Variants in SBF2 observed in about 807,000 individuals in gnomAD.
SBF2 encodes SET binding factor 2.
Under a neutral mutation model 225.2 loss-of-function variants are expected in SBF2, and 112 were observed. The observed-to-expected ratio is 0.50, with a 90% confidence interval of 0.43 to 0.58. SBF2 has a LOEUF of 0.58. Ranked by LOEUF, SBF2 falls within the 20% of genes least tolerant of loss-of-function variation. The probability of loss-of-function intolerance (pLI) is 0.00; values close to 1 mark genes in which losing one functional copy is unlikely to be tolerated. For missense variants in SBF2, 1,996 were observed against 2,206.2 expected, an observed-to-expected ratio of 0.90 and a Z score of 1.91; for synonymous variants, 763 against 773.3, an observed-to-expected ratio of 0.99 and a Z score of 0.22.
chr11:9,819,024 A>G (rs917851416), intron 28 of SBF2, among the ~76,000 whole-genome samples: 2 of 152,236 alleles, frequency 1.3e-5, no homozygotes, highest in African/African-American at 4.8e-5. Context: ...ACCCGGCTGC[A>G]TGAATCTTTC....
intron 2 of SBF2, among the ~76,000 whole-genome samples, chr11:10,147,203 C>T (rs1368536961): frequency 6.6e-6 from 1 of 152,090 alleles, no homozygotes; most frequent in South Asian, 2.1e-4. Flanking sequence ...TTTGACCCAG[C>T]GATCCCATTA....
At position 9,781,591 on chromosome 11, in the gene SBF2, A is replaced by G; in HGVS notation, c.5367T>C (p.Ile1789=). The G allele has an allele frequency of 6.2e-7, 1 of 1,614,208 alleles. No individual in the cohort carries two copies. Among genetic ancestry groups the G allele is most frequent in the Non-Finnish European group, 8.5e-7 (1 of 1,180,036 alleles). The change falls in exon 39 of 40, where the codon ATT becomes ATC. Residue 1789 remains isoleucine, a synonymous_variant. Transcript: ENST00000256190. ...SGEDTSCKGH[I]DLAEVEMVIP... is the part of the protein sequence containing the mutation. ...TGACCATTTCTACTTCAGCCAGATC[A>G]ATGTGGCCTTTACAGCTTGTGTCCT... is the stretch of plus-strand genomic sequence containing the variant.
intron 2 of SBF2, among the ~76,000 whole-genome samples, chr11:10,071,678 C>CTAGTT (rs1950886735): frequency 6.6e-6 from 1 of 152,132 alleles, no homozygotes; most frequent in Non-Finnish European, 1.5e-5. Context: ...CCATCAATAT[C>CTAGTT]TAGTTTATTG....
At chr11:10,209,569 C>T (rs909207706) in intron 1 of SBF2, among the ~76,000 whole-genome samples, 1 of 152,040 alleles carries the variant, frequency 6.6e-6, no homozygotes, top group African/African-American at 2.4e-5. Context: ...CTTCTTGTAA[C>T]AGATAGAGTA....
At chr11:9,933,319 T>A (rs537622624) in intron 16 of SBF2, among the ~76,000 whole-genome samples, 137 of 152,294 alleles carry the variant, frequency 9.0e-4, no homozygotes, top group African/African-American at 2.9e-3. Flanking sequence ...CTAATGGACA[T>A]CTACAGAACT....
chr11:10,217,724 A>G (rs1346669512), intron 1 of SBF2, among the ~76,000 whole-genome samples: 2 of 152,194 alleles, frequency 1.3e-5, no homozygotes, highest in African/African-American at 4.8e-5. Flanking sequence ...ACTCTATTTT[A>G]TAATAATCTG....
chr11:9,944,893 G>A (rs1385898885), intron 16 of SBF2, among the ~76,000 whole-genome samples: 1 of 152,098 alleles, frequency 6.6e-6, no homozygotes, highest in Admixed American at 6.6e-5. Flanking sequence ...AATGCTTGAG[G>A]CCAAGAGTTT....
chr11:10,051,407 G>C (rs1950058460), intron 2 of SBF2, among the ~76,000 whole-genome samples: 1 of 151,966 alleles, frequency 6.6e-6, no homozygotes, highest in Non-Finnish European at 1.5e-5. Context: ...GATTAAAAAA[G>C]TATTACCCTT....
intron 16 of SBF2, among the ~76,000 whole-genome samples, chr11:9,908,742 G>T (rs1310833182): frequency 6.6e-6 from 1 of 152,028 alleles, no homozygotes; most frequent in Non-Finnish European, 1.5e-5. Context: ...CTGTCCCCCA[G>T]GCTGAAGTGC....
intron 28 of SBF2, among the ~76,000 whole-genome samples, chr11:9,826,381 G>A (rs915095025): frequency 6.6e-6 from 1 of 152,144 alleles, no homozygotes; most frequent in Non-Finnish European, 1.5e-5. Flanking sequence ...GGGATATTCA[G>A]AGTTAACTAA....
At chr11:9,861,288 G>A (rs907947715) in intron 17 of SBF2, among the ~76,000 whole-genome samples, 1 of 152,108 alleles carries the variant, frequency 6.6e-6, no homozygotes, top group Non-Finnish European at 1.5e-5. Context: ...TAGAACTCCT[G>A]GGCTTAAGGG....
intron 1 of SBF2, among the ~76,000 whole-genome samples, chr11:10,285,876 C>A (rs1351718885): frequency 1.3e-5 from 2 of 152,124 alleles, no homozygotes; most frequent in Non-Finnish European, 2.9e-5. Flanking sequence ...TAAAAAAGAG[C>A]ACAAATTTGA....
intron 5 of SBF2, 90 bp downstream of exon 5, chr11:10,029,675 T>A (rs941157797): frequency 1.1e-6 from 1 of 950,116 alleles, no homozygotes; most frequent in African/African-American, 1.6e-5. Context: ...TTTAAAGAAT[T>A]ATTTCTTTCC....
At chr11:10,256,599 G>A (rs1960887250) in intron 1 of SBF2, among the ~76,000 whole-genome samples, 1 of 152,180 alleles carries the variant, frequency 6.6e-6, no homozygotes, top group Admixed American at 6.5e-5. Flanking sequence ...CTTCCACTAA[G>A]AGCACTGTTT....
At chr11:9,882,329 C>T (rs186693997) in intron 17 of SBF2, among the ~76,000 whole-genome samples, 1 of 152,218 alleles carries the variant, frequency 6.6e-6, no homozygotes, top group East Asian at 1.9e-4. Flanking sequence ...TAGGATGAAG[C>T]CAGTAAAATT....
In SBF2 at chr11:9,856,640, C is replaced by T. The variant is rs1376193402; in HGVS notation, c.2181G>A (p.Leu727=). 3.8e-5 allele frequency: 61 copies of T among 1,614,032 alleles called. No homozygotes were observed. Among genetic ancestry groups the T allele is most frequent in the Non-Finnish European group, 5.0e-5 (59 of 1,180,028 alleles). Residue 727 remains leucine (L), a synonymous_variant, in exon 19 of 40, where the codon CTG becomes CTA. Transcript: ENST00000256190. ...CTAGCTCTTGCTGAGTTGACTTGCT[C>T]AGGGTAGGCCAAAGGCGTAGTTGCT... ...AAEQLRLWPT[L]SKSTQQELVQ...
At chr11:10,155,225 T>C (rs1955408457) in intron 2 of SBF2, among the ~76,000 whole-genome samples, 1 of 152,172 alleles carries the variant, frequency 6.6e-6, no homozygotes. Flanking sequence ...AATTATTTTA[T>C]ACACTGGTTG....
chr11:9,864,923 T>A (rs1378946952), intron 17 of SBF2, among the ~76,000 whole-genome samples: 1 of 152,124 alleles, frequency 6.6e-6, no homozygotes, highest in African/African-American at 2.4e-5. Context: ...ATTTATTTTT[T>A]TTTTTGAGAC....
chr11:9,791,441 GACTC>G (rs1852736217), intron 33 of SBF2, among the ~76,000 whole-genome samples: 1 of 121,504 alleles, frequency 8.2e-6, no homozygotes, highest in Non-Finnish European at 1.7e-5. Context: ...AAAAAAAAAA[GACTC>G]AAGCCCAAGA....
Sources: allele counts gnomAD v4.1 joint callset (sites outside exome capture counted in the v4.1 genomes callset), GRCh38; gene constraint gnomAD v4.1.1; transcripts MANE v1.5; gene names NCBI Gene and HGNC (gene_info 2026-07-23, HGNC 2026-07-21).